The following AR variants were observed in gnomAD, a reference collection of about 807,000 sequenced individuals.
AR encodes the protein androgen receptor, also known as dihydrotestosterone receptor.
AR carries 8 observed loss-of-function variants against 53.9 expected under a neutral mutation model. The ratio of observed to expected loss-of-function variants is 0.15; its 90% CI spans 0.09 to 0.27. The LOEUF is 0.27. Among genes scored for constraint, AR ranks in the 10% least tolerant of loss-of-function variants. The probability of loss-of-function intolerance (pLI) is 1.00; values close to 1 mark genes in which losing one functional copy is unlikely to be tolerated. For missense variants in AR, 639 were observed against 742.5 expected (o/e 0.86, Z 1.62); for synonymous variants, 359 against 316.4 (o/e 1.13, Z -1.43).
At chrX:67,678,086 G>A (rs963000487) in intron 2 of AR, among the ~76,000 whole-genome samples, 1 of 109,970 alleles carries the variant, frequency 9.1e-6, no homozygotes, top group African/African-American at 3.3e-5. Flanking sequence ...AAAATAGGGG[G>A]GTATGAAGAT....
chrX:67,710,922 A>G (rs901468744), intron 3 of AR, among the ~76,000 whole-genome samples: 5 of 111,930 alleles, frequency 4.5e-5, no homozygotes, highest in African/African-American at 9.7e-5. Flanking sequence ...TGATGCCTCC[A>G]TTGCAGCATT....
intron 3 of AR, among the ~76,000 whole-genome samples, chrX:67,688,576 A>G (rs1288316283): frequency 9.0e-6 from 1 of 111,576 alleles, no homozygotes; most frequent in Non-Finnish European, 1.9e-5. Flanking sequence ...ACAGGCAGAG[A>G]ATCGCCAGAA....
rs748111263 is a variant in AR, at chrX:67,725,289, C to T, written c.*1448C>T. ...AAAGATTTCTTACCAACTCTCAGAT[C>T]GCTGGAGCCCTTAGACAAACTGGAA... On this transcript the variant is annotated 3_prime_UTR_variant, in exon 8 of 8. Transcript: ENST00000374690. The T allele has an allele frequency of 3.5e-5, 6 of 173,159 alleles. No individual in the cohort carries two copies. In the East Asian group the frequency reaches 4.1e-4, roughly 12 times the overall value. The allele number at this position is 173,159 out of a possible 1,213,427, so 14.3% of individuals were successfully genotyped here.
rs1555992016 is a variant in AR at position 67,695,765 on chromosome X, A to ACACT, written c.1885+9642_1885+9643insTCAC. The ACACT allele has an allele frequency of 1.2e-4, 90 of 741,422 alleles. 3 individuals carry two copies. The African/African-American group carries it at 2.1e-3, about 18-fold the overall frequency. The allele number at this position is 741,422 out of a possible 1,213,427, so 61.1% of individuals were successfully genotyped here. ...CACACACACACACACACACACACAC[A>ACACT]CACACACGCTCTCTCTCTCTCTCCC... On this transcript the variant is annotated intron_variant, in intron 3 of 7. Coordinates refer to ENST00000374690, the MANE Select transcript of AR (RefSeq NM_000044.6).
At chrX:67,604,602 T>TA (rs1191155692) in intron 1 of AR, among the ~76,000 whole-genome samples, 1 of 111,307 alleles carries the variant, frequency 9.0e-6, no homozygotes, top group East Asian at 2.8e-4. Context: ...ACTGTTTATA[T>TA]AGAGTCCCTG....
At chrX:67,591,677 A>G (rs1014115652) in intron 1 of AR, among the ~76,000 whole-genome samples, 1 of 111,392 alleles carries the variant, frequency 9.0e-6, no homozygotes, top group African/African-American at 3.3e-5. Flanking sequence ...CTTAGAATCA[A>G]TTAACCAAAC....
In AR at chrX:67,574,022, C is replaced by T. The variant is rs189471649; in HGVS notation, c.1616+27260C>T. On this transcript the variant is annotated intron_variant, in intron 1 of 7. Coordinates refer to ENST00000374690, the MANE Select transcript of AR (RefSeq NM_000044.6). ...GCTGTTGAAGAAGACAAAATTCTTT[C>T]CATTCTCCAGCTTATATTTTCCCCA... Among the ~76,000 whole-genome samples the T allele has an allele frequency of 1.0e-3, 117 of 111,973 alleles. No individual in the cohort carries two copies. The Middle Eastern group carries it at 0.014, about 13-fold the overall frequency.
chrX:67,710,653 C>T, intron 3 of AR, among the ~76,000 whole-genome samples: 1 of 111,726 alleles, frequency 9.0e-6, no homozygotes, highest in East Asian at 2.8e-4. Flanking sequence ...ATATGATATA[C>T]ATGCTCCTTT....
At chrX:67,628,472 T>C (rs1924833795) in intron 1 of AR, among the ~76,000 whole-genome samples, 1 of 108,132 alleles carries the variant, frequency 9.2e-6, no homozygotes, top group African/African-American at 3.3e-5. Flanking sequence ...GCTGTGATTT[T>C]TGTACATTGA....
chrX:67,644,494 C>T (rs1164013132), intron 2 of AR, among the ~76,000 whole-genome samples: 1 of 111,840 alleles, frequency 8.9e-6, no homozygotes, highest in Non-Finnish European at 1.9e-5. Flanking sequence ...ACCTTGAGAA[C>T]AGTCTTAAAA....
In AR at chrX:67,697,558, C is replaced by A. The variant is rs190598213; in HGVS notation, c.1885+11432C>A. Among the ~76,000 whole-genome samples, 41 of 111,493 alleles carry A rather than the reference C, an allele frequency of 3.7e-4. No homozygotes were observed. The East Asian group carries it at 0.011, about 30-fold the overall frequency. Reference sequence around the variant, plus strand: ...AGGTTATACTTTTCACAGTTTACCACCATAAGCAGTCTTTCAGAGTGATTT... The same window carrying A: ...AGGTTATACTTTTCACAGTTTACCAACATAAGCAGTCTTTCAGAGTGATTT... On this transcript the variant is annotated intron_variant, in intron 3 of 7. Transcript: ENST00000374690.
In AR at chrX:67,628,433, C is replaced by G. The variant is rs762307961; in HGVS notation, c.1617-14823C>G. 2.7e-4 allele frequency among the ~76,000 whole-genome samples: 29 copies of G among 105,745 alleles called. No individual in the cohort carries two copies. The South Asian group carries it at 0.011, about 41-fold the overall frequency. 91.8% of individuals were successfully genotyped at this position (105,745 alleles called of 115,157 possible). A position where few individuals can be genotyped will look rare whatever the true frequency, so the allele number is the denominator to read the frequency against. On this transcript the variant is annotated intron_variant, in intron 1 of 7. Transcript: ENST00000374690. The stretch of plus-strand genomic sequence containing the variant: ...GGGAGTTCACTCATGATTTGGCTCT[C>G]TGTTTGTCTGTTATTGGTGTATAAG...
chrX:67,562,838 C>A (rs749862828), intron 1 of AR, among the ~76,000 whole-genome samples: 1 of 111,662 alleles, frequency 9.0e-6, no homozygotes, highest in East Asian at 2.8e-4. Flanking sequence ...TCTAGATCTT[C>A]ATTATCTGTA....
At chrX:67,708,901 G>A (rs1569312110) in intron 3 of AR, among the ~76,000 whole-genome samples, 1 of 112,161 alleles carries the variant, frequency 8.9e-6, no homozygotes, top group East Asian at 2.8e-4. Flanking sequence ...TTTGCTGGAG[G>A]TCCACTCTAG....
At chrX:67,719,138 G>A (rs2076125565) in intron 5 of AR, among the ~76,000 whole-genome samples, 1 of 111,581 alleles carries the variant, frequency 9.0e-6, no homozygotes, top group Non-Finnish European at 1.9e-5. Context: ...GTCCCCAGCT[G>A]CCCTCTCCCA....
At chrX:67,689,770 C>CA (rs1239087851) in intron 3 of AR, 10 of 817,428 alleles carry the variant, frequency 1.2e-5, no homozygotes, top group Non-Finnish European at 1.5e-5. Context: ...AAAACACTTA[C>CA]AAAAAAAGTC....
intron 1 of AR, among the ~76,000 whole-genome samples, chrX:67,621,692 C>A (rs1924386166): frequency 9.0e-6 from 1 of 111,473 alleles, no homozygotes; most frequent in Admixed American, 9.5e-5. Flanking sequence ...ATGAACCCAT[C>A]CTTTTTTATG....
intron 1 of AR, among the ~76,000 whole-genome samples, chrX:67,604,228 G>GTT (rs1310565077): frequency 9.4e-6 from 1 of 106,448 alleles, no homozygotes; most frequent in Non-Finnish European, 1.9e-5. Flanking sequence ...GTGTGTGTGT[G>GTT]TGTGTGTGTG....
intron 1 of AR, among the ~76,000 whole-genome samples, chrX:67,629,828 G>T (rs1361485735): frequency 1.8e-5 from 2 of 110,747 alleles, no homozygotes; most frequent in African/African-American, 6.6e-5. Context: ...AGAGATTCTG[G>T]TATGTTGTGT....
Sources: gnomAD v4.1 joint callset for allele counts (sites outside exome capture counted in the v4.1 genomes callset) on GRCh38, gnomAD v4.1.1 for gene constraint, MANE v1.5 for transcripts, NCBI Gene and HGNC (gene_info 2026-07-23, HGNC 2026-07-21) for gene names.